Variants in FOXP2 observed in about 807,000 individuals in gnomAD.
The protein encoded by FOXP2 is forkhead box P2.
Under a neutral mutation model 115.8 loss-of-function variants are expected in FOXP2, and 12 were observed. The ratio of observed to expected loss-of-function variants is 0.10; its 90% CI spans 0.07 to 0.17. The LOEUF (loss-of-function observed/expected upper bound fraction) is 0.17. FOXP2 is among the 10% of genes least tolerant of loss of function. The pLI is 1.00. For missense variants in FOXP2, 629 were observed against 843.5 expected, an observed-to-expected ratio of 0.75 and a Z score of 3.15; for synonymous variants, 328 against 297.7, an observed-to-expected ratio of 1.10 and a Z score of -1.05.
intron 3 of FOXP2, among the ~76,000 whole-genome samples, chr7:114,614,084 T>C (rs368987076): frequency 1.1e-4 from 17 of 152,310 alleles, no homozygotes; most frequent in African/African-American, 4.1e-4. Context: ...TGAGGATAAG[T>C]TTTTAGAAGT....
chr7:114,465,746 C>T (rs1174310055), intron 2 of FOXP2, among the ~76,000 whole-genome samples: 2 of 152,186 alleles, frequency 1.3e-5, no homozygotes, highest in East Asian at 1.9e-4. Context: ...ATGATTAGCA[C>T]ACTTTGGGAA....
intron 1 of FOXP2, among the ~76,000 whole-genome samples, chr7:114,122,720 C>T (rs1162434348): frequency 6.6e-6 from 1 of 152,028 alleles, no homozygotes; most frequent in African/African-American, 2.4e-5. Flanking sequence ...ATTTTATAAA[C>T]ATTTCCTAAG....
At chr7:114,206,259 A>T (rs1172024375) in intron 1 of FOXP2, among the ~76,000 whole-genome samples, 1 of 152,088 alleles carries the variant, frequency 6.6e-6, no homozygotes, top group Non-Finnish European at 1.5e-5. Context: ...AAAGAAAGAA[A>T]ATCCAAATTC....
chr7:114,690,302 C>A lies in FOXP2; in HGVS notation c.*376C>A. 1 of 456,456 alleles carries A rather than the reference C, an allele frequency of 2.2e-6. No individual in the cohort carries two copies. The highest frequency in any genetic ancestry group is 4.4e-6 in the Non-Finnish European group (1 of 228,636). 28.3% of individuals were successfully genotyped at this position (456,456 alleles called of 1,614,324 possible). On this transcript the variant is annotated 3_prime_UTR_variant, in exon 17 of 17. Coordinates refer to ENST00000350908, the MANE Select transcript of FOXP2 (RefSeq NM_014491.4). ...GTAGAAAGCAAATGCGCCTCATATA[C>A]TGCCAAAAATAGTGTTAGTTTCATT... is the stretch of plus-strand genomic sequence containing the variant.
chr7:114,479,809 A>G (rs1452830608), intron 2 of FOXP2, among the ~76,000 whole-genome samples: 1 of 151,528 alleles, frequency 6.6e-6, no homozygotes, highest in African/African-American at 2.4e-5. Flanking sequence ...AACTGTCTTA[A>G]TATAGGTTAC....
chr7:114,266,931 T>C (rs992532042), intron 1 of FOXP2, among the ~76,000 whole-genome samples: 2 of 152,130 alleles, frequency 1.3e-5, no homozygotes, highest in East Asian at 3.9e-4. Flanking sequence ...TAATGTCTTA[T>C]AGTAGGTGAT....
chr7:114,338,606 A>G (rs1377775691), intron 2 of FOXP2, among the ~76,000 whole-genome samples: 1 of 151,164 alleles, frequency 6.6e-6, no homozygotes, highest in Non-Finnish European at 1.5e-5. Flanking sequence ...TTACTCTGTC[A>G]TACATAATAA....
chr7:114,523,624 T>C (rs762730638), intron 2 of FOXP2, among the ~76,000 whole-genome samples: 1 of 152,180 alleles, frequency 6.6e-6, no homozygotes, highest in African/African-American at 2.4e-5. Flanking sequence ...TGCCTCCAAT[T>C]GCAGAAAGCT....
intron 4 of FOXP2, chr7:114,628,903 T>C: frequency 1.9e-6 from 1 of 528,288 alleles, no homozygotes; most frequent in South Asian, 2.2e-5. Flanking sequence ...CAGAGAGAGG[T>C]GTAATTTGAA....
chr7:114,498,038 CT>C (rs1228070913), intron 2 of FOXP2, among the ~76,000 whole-genome samples: 2 of 152,162 alleles, frequency 1.3e-5, no homozygotes, highest in African/African-American at 2.4e-5. Context: ...GAAACATCCA[CT>C]ATTATCTATG....
chr7:114,117,933 A>G (rs939922232), intron 1 of FOXP2, among the ~76,000 whole-genome samples: 1 of 152,094 alleles, frequency 6.6e-6, no homozygotes, highest in South Asian at 2.1e-4. Flanking sequence ...TGTGACTCTT[A>G]TAAGGGTCAC....
chr7:114,384,471 ACT>A (rs1475108636), intron 2 of FOXP2, among the ~76,000 whole-genome samples: 1 of 151,918 alleles, frequency 6.6e-6, no homozygotes, highest in Non-Finnish European at 1.5e-5. Flanking sequence ...CAATTTTTTA[ACT>A]CTGCTTCCAC....
chr7:114,170,934 G>T (rs1028384012), intron 1 of FOXP2, among the ~76,000 whole-genome samples: 1 of 152,198 alleles, frequency 6.6e-6, no homozygotes, highest in African/African-American at 2.4e-5. Context: ...TTTTCAATGT[G>T]GATAGAACAA....
chr7:114,103,909 G>A (rs1246018544), intron 1 of FOXP2, among the ~76,000 whole-genome samples: 1 of 151,594 alleles, frequency 6.6e-6, no homozygotes, highest in Non-Finnish European at 1.5e-5. Context: ...AATTCATTTT[G>A]AATTTTCTTT....
chr7:114,265,944 A>AG (rs1378978204), intron 1 of FOXP2, among the ~76,000 whole-genome samples: 1 of 152,044 alleles, frequency 6.6e-6, no homozygotes, highest in East Asian at 1.9e-4. Flanking sequence ...AGGGCAATAG[A>AG]GGCCCTAACC....
chr7:114,606,812 G>A (rs1411334428), intron 3 of FOXP2, among the ~76,000 whole-genome samples: 1 of 152,180 alleles, frequency 6.6e-6, no homozygotes, highest in African/African-American at 2.4e-5. Context: ...ATTAGAGGAA[G>A]GCTAATATGT....
chr7:114,687,857 G>C (rs1456883911), intron 16 of FOXP2, among the ~76,000 whole-genome samples: 1 of 151,954 alleles, frequency 6.6e-6, no homozygotes, highest in Non-Finnish European at 1.5e-5. Context: ...TATGTAATGA[G>C]TTCTAATTAA....
At chr7:114,108,991 A>G (rs1791197731) in intron 1 of FOXP2, among the ~76,000 whole-genome samples, 1 of 151,972 alleles carries the variant, frequency 6.6e-6, no homozygotes, top group African/African-American at 2.4e-5. Context: ...ATAAAACAAT[A>G]AGTAAGAGAA....
chr7:114,471,754 A>T (rs1289245708), intron 2 of FOXP2, among the ~76,000 whole-genome samples: 1 of 151,730 alleles, frequency 6.6e-6, no homozygotes, highest in Non-Finnish European at 1.5e-5. Flanking sequence ...ATTTGAGACC[A>T]GCCTGGCCAA....
Sources: gnomAD v4.1 joint callset for allele counts (sites outside exome capture counted in the v4.1 genomes callset) on GRCh38, gnomAD v4.1.1 for gene constraint, MANE v1.5 for transcripts, NCBI Gene and HGNC (gene_info 2026-07-23, HGNC 2026-07-21) for gene names.